Variants in FYN observed in about 807,000 individuals in gnomAD.
FYN encodes the protein tyrosine-protein kinase Fyn.
In FYN, 10 loss-of-function variants were observed where a neutral mutation model predicts 70.2. The ratio of observed to expected loss-of-function variants is 0.14; its 90% CI spans 0.09 to 0.24. FYN has a LOEUF of 0.24. Among genes scored for constraint, FYN ranks in the 10% least tolerant of loss-of-function variants. The pLI, the probability that FYN is intolerant of heterozygous loss-of-function variation, is 1.00. For synonymous variants in FYN, 236 were observed against 248.6 expected, an observed-to-expected ratio of 0.95 and a Z score of 0.48; for missense variants, 319 against 673.1, an observed-to-expected ratio of 0.47 and a Z score of 5.82.
At position 111,687,605 on chromosome 6, in the gene FYN, G is replaced by GGT. The variant is rs367956399; in HGVS notation, c.1273+6768_1273+6769dup. ...AGGAAAACCCAAAGTGGGGTGGGTG[G>GGT]GTGTGTGTGTGTGTGTGTGTGTGTG... On this transcript the variant is annotated intron_variant, in intron 12 of 13. Coordinates refer to ENST00000354650, the MANE Select transcript of FYN (RefSeq NM_002037.5). 7.7e-3 allele frequency among the ~76,000 whole-genome samples: 1,104 copies of GGT among 143,410 alleles called. 20 individuals carry two copies. The highest frequency in any genetic ancestry group is 8.4e-3 in the Non-Finnish European group (555 of 66,294). 94.1% of individuals were successfully genotyped at this position (143,410 alleles called of 152,430 possible). A position where few individuals can be genotyped will look rare whatever the true frequency, so the allele number is the denominator to read the frequency against.
At chr6:111,702,339 T>C (rs567247955) in intron 8 of FYN, 1 of 152,274 alleles carries the variant, frequency 6.6e-6, no homozygotes, top group African/African-American at 2.4e-5. Context: ...TATAAAAGTT[T>C]AATTTAACAC....
At chr6:111,859,184 C>A (rs1045974710) in intron 1 of FYN, among the ~76,000 whole-genome samples, 2 of 152,150 alleles carry the variant, frequency 1.3e-5, no homozygotes, top group Non-Finnish European at 2.9e-5. Flanking sequence ...TCCAAGCTCA[C>A]GCCCCTTCCA....
In FYN at chr6:111,837,793, C is replaced by A. The variant is rs151139473; in HGVS notation, c.-82+8796G>T. ...GACTTCCTCAAGCCCCCAAGGCTCA[C>A]ATACTTTCCACCACACGACGCTGCC... On this transcript the variant is annotated intron_variant, in intron 2 of 13. Transcript: ENST00000354650. Among the ~76,000 whole-genome samples the A allele has an allele frequency of 4.3e-3, 647 of 151,410 alleles. 6 individuals carry two copies. Among genetic ancestry groups the A allele is most frequent in the African/African-American group, 0.015 (624 of 40,974 alleles).
chr6:111,781,353 C>T (rs1422892985), intron 2 of FYN, among the ~76,000 whole-genome samples: 3 of 152,180 alleles, frequency 2.0e-5, no homozygotes, highest in South Asian at 2.1e-4. Context: ...CTATTCTCAT[C>T]GTTACACTCC....
intron 5 of FYN, among the ~76,000 whole-genome samples, chr6:111,712,931 G>A (rs1470233281): frequency 1.3e-5 from 2 of 152,092 alleles, no homozygotes; most frequent in Non-Finnish European, 2.9e-5. Flanking sequence ...ACAGTTGAGC[G>A]GCAGTAAGTA....
At chr6:111,806,584 A>T in intron 2 of FYN, among the ~76,000 whole-genome samples, 1 of 152,184 alleles carries the variant, frequency 6.6e-6, no homozygotes, top group East Asian at 1.9e-4. Flanking sequence ...TTCTCAGGCA[A>T]TTAGCCTCAG....
chr6:111,781,612 G>A (rs1481208777), intron 2 of FYN, among the ~76,000 whole-genome samples: 1 of 152,182 alleles, frequency 6.6e-6, no homozygotes, highest in Non-Finnish European at 1.5e-5. Context: ...AACGCCCAGA[G>A]GCCTGTCCGG....
intron 3 of FYN, among the ~76,000 whole-genome samples, chr6:111,760,874 A>G (rs1802977233): frequency 6.6e-6 from 1 of 152,190 alleles, no homozygotes; most frequent in Non-Finnish European, 1.5e-5. Context: ...CACCAGTCCC[A>G]TTCTCCAGTC....
chr6:111,717,282 A>T (rs1800692509), intron 4 of FYN, among the ~76,000 whole-genome samples: 2 of 152,076 alleles, frequency 1.3e-5, no homozygotes, highest in Admixed American at 1.3e-4. Flanking sequence ...AATAAAAAAC[A>T]TCTGAAATTG....
At chr6:111,816,125 T>A (rs1174913328) in intron 2 of FYN, among the ~76,000 whole-genome samples, 2 of 152,214 alleles carry the variant, frequency 1.3e-5, no homozygotes, top group African/African-American at 2.4e-5. Flanking sequence ...TTTAGGCATT[T>A]ACCTTTATGA....
chr6:111,796,695 C>A (rs2128517434), intron 2 of FYN, among the ~76,000 whole-genome samples: 1 of 152,276 alleles, frequency 6.6e-6, no homozygotes, highest in Non-Finnish European at 1.5e-5. Context: ...AGCTGGGGAT[C>A]CTGCCATCAT....
intron 2 of FYN, among the ~76,000 whole-genome samples, chr6:111,822,889 G>C (rs936262411): frequency 6.6e-6 from 1 of 152,068 alleles, no homozygotes; most frequent in Admixed American, 6.5e-5. Flanking sequence ...GAGGACCCAA[G>C]AAAGGGCTTG....
intron 12 of FYN, among the ~76,000 whole-genome samples, chr6:111,684,672 C>T (rs1376758437): frequency 6.6e-6 from 1 of 152,174 alleles, no homozygotes; most frequent in Non-Finnish European, 1.5e-5. Context: ...CTTTCTCCAT[C>T]ACCCTCCTTG....
intron 2 of FYN, among the ~76,000 whole-genome samples, chr6:111,812,939 TTA>T (rs1172011271): frequency 3.3e-5 from 5 of 152,148 alleles, no homozygotes; most frequent in Admixed American, 6.5e-5. Context: ...CAAGTAGATA[TTA>T]TACACGATTG....
At chr6:111,866,256 A>T (rs937407042) in intron 1 of FYN, among the ~76,000 whole-genome samples, 5 of 152,230 alleles carry the variant, frequency 3.3e-5, no homozygotes, top group African/African-American at 1.2e-4. Flanking sequence ...GAAGAAAAGG[A>T]GTCACAGAGA....
chr6:111,846,756 T>C (rs1773541155), intron 1 of FYN, 127 bp from the exon 2 acceptor site: 1 of 396,966 alleles, frequency 2.5e-6, no homozygotes, highest in East Asian at 3.6e-5. Flanking sequence ...CCCACAAATT[T>C]TTTATCATTC....
Position 111,694,294 on chromosome 6 carries a change from G to GGGAAGGA in FYN, c.1273+74_1273+80dup. The GGGAAGGA allele has an allele frequency of 1.3e-6, 2 of 1,519,230 alleles. No individual in the cohort carries two copies. Among genetic ancestry groups the GGGAAGGA allele is most frequent in the Non-Finnish European group, 1.8e-6 (2 of 1,106,818 alleles). The allele number at this position is 1,519,230 out of a possible 1,614,324, so 94.1% of individuals were successfully genotyped here. On this transcript the variant is annotated intron_variant, in intron 12 of 13. Coordinates refer to ENST00000354650, the MANE Select transcript of FYN (RefSeq NM_002037.5). The surrounding 1 kb of genome is among the most constrained non-coding windows in gnomAD (Gnocchi z 5.0). ...TCAAGTATTTTCTGAAGGAAGGGAA[G>GGGAAGGA]GGAAGGAGGAAGGAAGGGCTGTGCA...
chr6:111,752,421 A>C (rs1802531112), intron 3 of FYN, among the ~76,000 whole-genome samples: 1 of 152,236 alleles, frequency 6.6e-6, no homozygotes, highest in Non-Finnish European at 1.5e-5. Context: ...GTAGGGTGCT[A>C]ACAGGAGCTT....
intron 9 of FYN, chr6:111,699,749 G>T: frequency 7.3e-7 from 1 of 1,366,622 alleles, no homozygotes; most frequent in Non-Finnish European, 1.0e-6. Flanking sequence ...GATGGAAGGT[G>T]ACTTGCCCGT....
Sources: allele counts gnomAD v4.1 joint callset (sites outside exome capture counted in the v4.1 genomes callset), GRCh38; gene constraint gnomAD v4.1.1; non-coding constraint Gnocchi (gnomAD v3.1); transcripts MANE v1.5; gene names NCBI Gene and HGNC (gene_info 2026-07-23, HGNC 2026-07-21).